DACH2: variants seen among roughly 807,000 people sequenced by gnomAD.
DACH2 encodes dachshund homolog 2.
DACH2 carries 17 observed loss-of-function variants against 35.8 expected under a neutral mutation model. That is an observed-to-expected ratio of 0.48 (90% CI 0.33 to 0.71). DACH2 has a LOEUF of 0.71. DACH2 is among the 30% of genes least tolerant of loss of function. The pLI is 0.02. For missense variants in DACH2, 469 were observed against 472.7 expected, an observed-to-expected ratio of 0.99 and a Z score of 0.07; for synonymous variants, 195 against 177.3, an observed-to-expected ratio of 1.10 and a Z score of -0.79.
intron 1 of DACH2, among the ~76,000 whole-genome samples, chrX:86,294,710 G>T (rs897781403): frequency 9.1e-6 from 1 of 110,259 alleles, no homozygotes; most frequent in Admixed American, 9.6e-5. Context: ...CCTGCTGGGG[G>T]GTGCCTCCCA....
At chrX:86,344,519 G>A (rs966755622) in intron 1 of DACH2, among the ~76,000 whole-genome samples, 2 of 110,017 alleles carry the variant, frequency 1.8e-5, no homozygotes, top group Non-Finnish European at 3.8e-5. Flanking sequence ...CACTTATTCT[G>A]AAATGTGTTT....
At chrX:86,672,475 A>G (rs894999772) in intron 4 of DACH2, among the ~76,000 whole-genome samples, 2 of 111,348 alleles carry the variant, frequency 1.8e-5, no homozygotes, top group East Asian at 2.8e-4. Context: ...CAGGACCCCA[A>G]TGCCCTGATC....
intron 7 of DACH2, among the ~76,000 whole-genome samples, chrX:86,766,395 A>G (rs2041935883): frequency 8.9e-6 from 1 of 111,968 alleles, no homozygotes; most frequent in Non-Finnish European, 1.9e-5. Context: ...GAATTCGATG[A>G]TGTAAGTTTT....
At chrX:86,753,456 G>C (rs2041795854) in intron 7 of DACH2, among the ~76,000 whole-genome samples, 1 of 111,685 alleles carries the variant, frequency 9.0e-6, no homozygotes, top group African/African-American at 3.2e-5. Flanking sequence ...TGGTTTCAGT[G>C]ATGACAATAG....
chrX:86,395,718 T>C (rs1466188948), intron 2 of DACH2, among the ~76,000 whole-genome samples: 3 of 111,745 alleles, frequency 2.7e-5, no homozygotes, highest in Non-Finnish European at 5.6e-5. Context: ...GACATGAACT[T>C]ATCACTTTTT....
intron 1 of DACH2, among the ~76,000 whole-genome samples, chrX:86,296,562 A>C (rs1020775833): frequency 1.8e-5 from 2 of 110,931 alleles, no homozygotes; most frequent in Non-Finnish European, 3.8e-5. Flanking sequence ...GTGTTTTATA[A>C]ATTTATATTA....
chrX:86,396,267 C>T (rs2036289636), intron 2 of DACH2, among the ~76,000 whole-genome samples: 1 of 103,894 alleles, frequency 9.6e-6, no homozygotes, highest in South Asian at 4.6e-4. Context: ...TGTTTGAGTT[C>T]ATTGTAGATT....
Position 86,826,750 on chromosome X carries a change from G to A in DACH2, c.1751-5356G>A, listed in dbSNP as rs1425430666. 2.7e-5 allele frequency among the ~76,000 whole-genome samples: 3 copies of A among 111,973 alleles called. No homozygotes were observed. In the East Asian group the frequency reaches 8.4e-4, roughly 32 times the overall value. On this transcript the variant is annotated intron_variant, in intron 11 of 11. Transcript: ENST00000373125. ...TACAATTAATTCTACATTTAATTAG[G>A]ATTGAATCTAAGACTGAAGTGGAAA...
intron 3 of DACH2, among the ~76,000 whole-genome samples, chrX:86,627,578 A>G (rs973633395): frequency 1.8e-5 from 2 of 112,046 alleles, no homozygotes; most frequent in Non-Finnish European, 3.8e-5. Context: ...GAGGTTGAGA[A>G]TCAGTCTCTT....
chrX:86,653,735 G>A lies in DACH2; in HGVS notation c.772+2568G>A, dbSNP rs966469939. Reference sequence around the variant, plus strand: ...GGCTGGAGTGCAGTGGCACGATCTTGGCTCACTACAACCTCTGCCTCCTGG... The same window carrying A: ...GGCTGGAGTGCAGTGGCACGATCTTAGCTCACTACAACCTCTGCCTCCTGG... On this transcript the variant is annotated intron_variant, in intron 4 of 11. Transcript: ENST00000373125. Among the ~76,000 whole-genome samples, 39 of 96,020 alleles carry A rather than the reference G, an allele frequency of 4.1e-4. 1 individual carries two copies. Among genetic ancestry groups the A allele is most frequent in the African/African-American group, 1.5e-3 (37 of 25,070 alleles). 83.4% of individuals were successfully genotyped at this position (96,020 alleles called of 115,157 possible).
chrX:86,734,281 A>G (rs1030675263), intron 6 of DACH2, among the ~76,000 whole-genome samples: 3 of 110,593 alleles, frequency 2.7e-5, no homozygotes, highest in Non-Finnish European at 3.8e-5. Context: ...TGCACCCCCA[A>G]TCTGGCATCA....
intron 2 of DACH2, among the ~76,000 whole-genome samples, chrX:86,488,344 A>G (rs764040397): frequency 9.0e-6 from 1 of 111,202 alleles, no homozygotes; most frequent in South Asian, 3.8e-4. Context: ...TTGCTTCCCT[A>G]TCTGTACAAA....
chrX:86,527,224 A>C (rs1035550730), intron 3 of DACH2, among the ~76,000 whole-genome samples: 1 of 111,789 alleles, frequency 8.9e-6, no homozygotes, highest in South Asian at 3.7e-4. Context: ...TATAATTGAC[A>C]TGAAATAAAT....
Position 86,788,480 on chromosome X carries a change from A to G in DACH2, c.1241-24376A>G, listed in dbSNP as rs746943791. ...TCTAATTTGAGACCCCATGTATGCA[A>G]TTGAATTTTCTTCTACATGTTGCAT... On this transcript the variant is annotated intron_variant, in intron 7 of 11. Coordinates refer to ENST00000373125, the MANE Select transcript of DACH2 (RefSeq NM_053281.3). Among the ~76,000 whole-genome samples, 4 of 111,838 alleles carry G rather than the reference A, an allele frequency of 3.6e-5. No homozygotes were observed. The East Asian group carries it at 1.1e-3, about 32-fold the overall frequency.
At chrX:86,246,420 G>T (rs1445283049) in intron 1 of DACH2, among the ~76,000 whole-genome samples, 1 of 110,188 alleles carries the variant, frequency 9.1e-6, no homozygotes, top group Non-Finnish European at 1.9e-5. Flanking sequence ...CTAGAGAGAA[G>T]GGGCAGGTTG....
At position 86,546,504 on chromosome X, in the gene DACH2, T is replaced by TTTC. The variant is rs1491132610; in HGVS notation, c.640+32115_640+32116insCTT. ...TTCTTCCTCTTCTTCTTCTTCTTTC[T>TTTC]TTTTTTTTTTTTTTTTTTAAGACAG... On this transcript the variant is annotated intron_variant, in intron 3 of 11. Transcript: ENST00000373125. 6.7e-5 allele frequency among the ~76,000 whole-genome samples: 3 copies of TTTC among 44,472 alleles called. No individual in the cohort carries two copies. In the African/African-American group the frequency reaches 1.3e-3, roughly 19 times the overall value. The allele number at this position is 44,472 out of a possible 115,157, so 38.6% of individuals were successfully genotyped here.
At chrX:86,419,069 C>T (rs1376654272) in intron 2 of DACH2, among the ~76,000 whole-genome samples, 2 of 111,617 alleles carry the variant, frequency 1.8e-5, no homozygotes, top group Non-Finnish European at 3.8e-5. Flanking sequence ...CCACCTCAGC[C>T]TGGATTTCCT....
chrX:86,209,139 C>G (rs2032385644), intron 1 of DACH2, among the ~76,000 whole-genome samples: 1 of 111,708 alleles, frequency 9.0e-6, no homozygotes, highest in Admixed American at 9.5e-5. Flanking sequence ...CTCATTAGTT[C>G]TCAGTTTCTG....
chrX:86,828,521 C>T (rs1030326800), intron 11 of DACH2: 14 of 111,338 alleles, frequency 1.3e-4, no homozygotes, highest in African/African-American at 4.2e-4. Flanking sequence ...TTCTCTCCTC[C>T]CATCCCCAAT....
Sources: gnomAD v4.1 joint callset for allele counts (sites outside exome capture counted in the v4.1 genomes callset) on GRCh38, gnomAD v4.1.1 for gene constraint, MANE v1.5 for transcripts, NCBI Gene and HGNC (gene_info 2026-07-23, HGNC 2026-07-21) for gene names.